The following PCLO variants were observed in gnomAD, a reference collection of about 807,000 sequenced individuals.
PCLO encodes protein piccolo.
A neutral mutation model predicts 427.5 loss-of-function variants in PCLO; 82 were observed. That is an observed-to-expected ratio of 0.19 (90% CI 0.16 to 0.23). The LOEUF (loss-of-function observed/expected upper bound fraction) is 0.23. Among genes scored for constraint, PCLO ranks in the 10% least tolerant of loss-of-function variants. PCLO has a pLI of 1.00. For synonymous variants in PCLO, 2,357 were observed against 2,155.4 expected, an observed-to-expected ratio of 1.09 and a Z score of -2.59; for missense variants, 6,239 against 6,115.9, an observed-to-expected ratio of 1.02 and a Z score of -0.67.
At chr7:82,859,173 G>A (rs1408037989) in intron 10 of PCLO, among the ~76,000 whole-genome samples, 2 of 118,812 alleles carry the variant, frequency 1.7e-5, no homozygotes, top group Admixed American at 9.0e-5. Context: ...GGGGCCTGGT[G>A]GACCTCACCA....
chr7:82,870,119 C>T (rs1793195627), intron 10 of PCLO, among the ~76,000 whole-genome samples: 1 of 151,758 alleles, frequency 6.6e-6, no homozygotes. Flanking sequence ...CCACAAAAGG[C>T]CCTGAATAGA....
chr7:82,915,200 T>C lies in PCLO; in HGVS notation c.12786A>G (p.Thr4262=), dbSNP rs530751169. 6.2e-7 allele frequency: 1 copy of C among 1,611,156 alleles called. No individual in the cohort carries two copies. The highest frequency in any genetic ancestry group is 8.5e-7 in the Non-Finnish European group (1 of 1,178,448). Residue 4262 remains threonine, a synonymous_variant, in exon 7 of 25, where the codon ACA becomes ACG. Coordinates refer to ENST00000333891, the MANE Select transcript of PCLO (RefSeq NM_033026.6). ...TGGTATTTCCTAATGTGCCCAGTCC[T>C]GTGCCAAGAGAAGATCCCATAAATT... ...QQKFMGSSLG[T]GLGTLGNTIR...
chr7:82,838,094 CAT>C (rs1235234598), intron 15 of PCLO, 122 bp downstream of exon 15: 6 of 680,520 alleles, frequency 8.8e-6, no homozygotes, highest in Admixed American at 6.6e-5. Flanking sequence ...ATAAATATGA[CAT>C]GTGGAGGAAA....
At chr7:82,841,633 C>T (rs1431696762) in intron 13 of PCLO, 124 bp from the exon 14 acceptor site, 4 of 645,506 alleles carry the variant, frequency 6.2e-6, no homozygotes, top group Admixed American at 5.7e-5. Flanking sequence ...TATATTTTAT[C>T]CATTTGGCTG....
intron 3 of PCLO, among the ~76,000 whole-genome samples, chr7:83,084,091 C>T (rs1184928661): frequency 6.6e-6 from 1 of 151,982 alleles, no homozygotes; most frequent in Non-Finnish European, 1.5e-5. Context: ...CCAACTTTGT[C>T]AACTACAGAT....
rs762781502 is a variant in PCLO at position 82,755,820 on chromosome 7, C to T, written c.*2755G>A. ...CAACATCATTCAGAAGAAACGCATT[C>T]ATATAAGGATCAGTGTTGCATAGAA... On this transcript the variant is annotated 3_prime_UTR_variant, in exon 25 of 25. Coordinates refer to ENST00000333891, the MANE Select transcript of PCLO (RefSeq NM_033026.6). 6.6e-6 allele frequency: 1 copy of T among 152,068 alleles called. No homozygotes were observed. Among genetic ancestry groups the T allele is most frequent in the Non-Finnish European group, 1.5e-5 (1 of 68,002 alleles). 9.4% of individuals were successfully genotyped at this position (152,068 alleles called of 1,614,324 possible).
chr7:82,894,897 G>C (rs1352234730), intron 9 of PCLO, among the ~76,000 whole-genome samples: 1 of 152,050 alleles, frequency 6.6e-6, no homozygotes, highest in Non-Finnish European at 1.5e-5. Context: ...CTGAGTGCAT[G>C]TTTGGCAGAA....
chr7:82,822,808 T>C (rs770625020), intron 19 of PCLO, 119 bp from the exon 20 acceptor site: 42 of 814,454 alleles, frequency 5.2e-5, no homozygotes, highest in Non-Finnish European at 8.3e-5. Context: ...CTTATATGAT[T>C]CATTTATGCA....
At chr7:82,810,145 A>AT (rs36096268) in intron 20 of PCLO, among the ~76,000 whole-genome samples, 70,907 of 151,114 alleles carry the variant, frequency 0.47, 17,674 homozygotes, top group East Asian at 0.85. Flanking sequence ...ATATATCTCT[A>AT]TTTTTTATGT....
chr7:83,016,453 T>G (rs536099746), intron 3 of PCLO, among the ~76,000 whole-genome samples: 14 of 152,258 alleles, frequency 9.2e-5, no homozygotes, highest in African/African-American at 2.6e-4. Flanking sequence ...CATGTTGATT[T>G]AGGAATCAAC....
chr7:82,979,133 T>C (rs1478097204), intron 3 of PCLO, among the ~76,000 whole-genome samples: 1 of 152,132 alleles, frequency 6.6e-6, no homozygotes, highest in Non-Finnish European at 1.5e-5. Flanking sequence ...TTATAGAAGT[T>C]ATTCCTTTTC....
chr7:82,817,703 C>A (rs1323980388), intron 20 of PCLO, among the ~76,000 whole-genome samples: 1 of 152,128 alleles, frequency 6.6e-6, no homozygotes, highest in Non-Finnish European at 1.5e-5. Context: ...TAGCATCAGG[C>A]TTTTCTCCTA....
chr7:83,050,208 G>GAAAAAAAAAAAAAAAAAAAAAAAAAAA (rs556193471), intron 3 of PCLO, among the ~76,000 whole-genome samples: 5 of 5,458 alleles, frequency 9.2e-4, no homozygotes, highest in African/African-American at 1.5e-3. Context: ...CTGAAAAACT[G>GAAAAAAAAAAAAAAAAAAAAAAAAAAA]AAAAAAAAAA....
chr7:83,157,054 C>T (rs186946980), intron 1 of PCLO, among the ~76,000 whole-genome samples: 1 of 152,270 alleles, frequency 6.6e-6, no homozygotes, highest in Non-Finnish European at 1.5e-5. Context: ...TTTACTTGGG[C>T]TTCTAGTGAT....
intron 3 of PCLO, among the ~76,000 whole-genome samples, chr7:83,102,522 G>T (rs1443371828): frequency 2.6e-5 from 4 of 151,912 alleles, no homozygotes; most frequent in African/African-American, 9.7e-5. Flanking sequence ...TTCGGAATTT[G>T]AAAGTTCTGG....
chr7:82,982,749 A>T (rs2115786455), intron 3 of PCLO, among the ~76,000 whole-genome samples: 1 of 152,042 alleles, frequency 6.6e-6, no homozygotes, highest in Non-Finnish European at 1.5e-5. Context: ...TATGCGTAAC[A>T]TTTTGGTCAT....
intron 16 of PCLO, among the ~76,000 whole-genome samples, chr7:82,833,835 A>C (rs1792159219): frequency 6.6e-6 from 1 of 152,116 alleles, no homozygotes; most frequent in South Asian, 2.1e-4. Flanking sequence ...TATTTATTTC[A>C]TGTATTTCAC....
chr7:82,917,522 G>A (rs930766753), intron 6 of PCLO, among the ~76,000 whole-genome samples: 1 of 151,982 alleles, frequency 6.6e-6, no homozygotes, highest in Non-Finnish European at 1.5e-5. Flanking sequence ...AAGTTGGTGA[G>A]TTTTCAGATA....
At chr7:82,821,701 T>A in intron 20 of PCLO, 3 of 982,500 alleles carry the variant, frequency 3.1e-6, no homozygotes, top group Non-Finnish European at 3.6e-6. Context: ...ATAGTATATC[T>A]TGATTTCCAA....
Sources: gnomAD v4.1 joint callset for allele counts (sites outside exome capture counted in the v4.1 genomes callset) on GRCh38, gnomAD v4.1.1 for gene constraint, MANE v1.5 for transcripts, NCBI Gene and HGNC (gene_info 2026-07-23, HGNC 2026-07-21) for gene names.